DLGAP3: variants seen among roughly 807,000 people sequenced by gnomAD.
DLGAP3 encodes the protein disks large-associated protein 3.
A neutral mutation model predicts 81.2 loss-of-function variants in DLGAP3; 17 were observed. The ratio of observed to expected loss-of-function variants is 0.21; its 90% CI spans 0.14 to 0.31. The LOEUF is 0.31. Among genes scored for constraint, DLGAP3 ranks in the 10% least tolerant of loss-of-function variants. DLGAP3 has a pLI of 1.00. For synonymous variants in DLGAP3, 577 were observed against 587.4 expected (o/e 0.98, Z 0.26); for missense variants, 1,124 against 1,388.0 (o/e 0.81, Z 3.02).
At position 34,873,360 on chromosome 1, in the gene DLGAP3, G is replaced by A. The variant is rs537780575; in HGVS notation, c.2001-4271C>T. 2.0e-5 allele frequency among the ~76,000 whole-genome samples: 3 copies of A among 152,232 alleles called. No homozygotes were observed. The highest frequency in any genetic ancestry group is 4.4e-5 in the Non-Finnish European group (3 of 68,046). On this transcript the variant is annotated intron_variant, in intron 8 of 11. Transcript: ENST00000373347. This position sits in a 1 kb window ranked among gnomAD's most constrained non-coding sequence, Gnocchi z 4.2. The stretch of plus-strand genomic sequence containing the variant: ...GTAGGGGAAGGAATGAAAATGAGCA[G>A]CTTTGGGTGGGGGCAGCGGAACAGA...
chr1:34,899,725 G>C lies in DLGAP3; in HGVS notation c.1330C>G (p.Arg444Gly), dbSNP rs751303010. The C allele has an allele frequency of 5.6e-6, 9 of 1,613,888 alleles. No individual in the cohort carries two copies. The highest frequency in any genetic ancestry group is 1.3e-5 in the African/African-American group (1 of 74,912). The change falls in exon 5 of 12, where the codon CGG becomes GGG. Residue 444 changes from arginine to glycine, a missense_variant. Around this residue, in one of 9 missense-constraint regions of DLGAP3, gnomAD observed 357 missense variants for 408.8 expected, o/e 0.87. Transcript: ENST00000373347. Reference sequence around the variant, plus strand: ...GGGATGGAGCTCCGGGGGTGGATCCGGGGTGGGACACAGCAGCTGGAAAAG... The same window carrying C: ...GGGATGGAGCTCCGGGGGTGGATCCCGGGTGGGACACAGCAGCTGGAAAAG... ...QARINCCVPP[R>G]IHPRSSIPGY...
rs1639505127 is a variant in DLGAP3, at chr1:34,904,225, C to T, written c.1107+52G>A. On this transcript the variant is annotated intron_variant, in intron 3 of 11. Coordinates refer to ENST00000373347, the MANE Select transcript of DLGAP3 (RefSeq NM_001080418.3). This position sits in a 1 kb window ranked among gnomAD's most constrained non-coding sequence, Gnocchi z 8.1. Reference sequence around the variant, plus strand: ...ACCCTTTCCACTGCTCCCTAGTTGACAAGACTGGTGAAGGCTAAGGACTCT... The same window carrying T: ...ACCCTTTCCACTGCTCCCTAGTTGATAAGACTGGTGAAGGCTAAGGACTCT... The T allele has an allele frequency of 1.3e-6, 2 of 1,596,498 alleles. No homozygotes were observed. Among genetic ancestry groups the T allele is most frequent in the Non-Finnish European group, 1.7e-6 (2 of 1,177,668 alleles).
At chr1:34,872,025 C>T (rs1371407827) in intron 8 of DLGAP3, among the ~76,000 whole-genome samples, 1 of 152,174 alleles carries the variant, frequency 6.6e-6, no homozygotes, top group Non-Finnish European at 1.5e-5. Context: ...GCATTTAAAA[C>T]CAGCAGTGTG....
At chr1:34,927,311 G>A (rs375650947) in intron 1 of DLGAP3, among the ~76,000 whole-genome samples, 61 of 152,296 alleles carry the variant, frequency 4.0e-4, no homozygotes, top group African/African-American at 1.1e-3. Context: ...AAAGTTCCTC[G>A]TCTAAGATTA....
chr1:34,923,082 C>A (rs374853464), intron 1 of DLGAP3, among the ~76,000 whole-genome samples: 1 of 151,984 alleles, frequency 6.6e-6, no homozygotes, highest in Admixed American at 6.6e-5. Context: ...AGGAGACAAT[C>A]CCCCCGTATA....
In DLGAP3 at chr1:34,911,127, T is replaced by A. The variant is rs1466916894; in HGVS notation, c.-134-3690A>T. On this transcript the variant is annotated intron_variant, in intron 1 of 11. Transcript: ENST00000373347. ...CGAGAGCTGTTGTCAAAGCCAGAAG[T>A]CAAATCCAGTGTTGGCCGATTCCAA... Among the ~76,000 whole-genome samples, 3 of 147,240 alleles carry A rather than the reference T, an allele frequency of 2.0e-5. No individual in the cohort carries two copies. In the East Asian group the frequency reaches 6.2e-4, roughly 30 times the overall value.
chr1:34,905,529 C>T, intron 2 of DLGAP3, 95 bp from the exon 3 acceptor site: 1 of 839,430 alleles, frequency 1.2e-6, no homozygotes, highest in South Asian at 1.9e-5. Context: ...TTAGGTAATA[C>T]ATATCAATTT....
intron 1 of DLGAP3, among the ~76,000 whole-genome samples, chr1:34,911,547 G>A (rs1639641139): frequency 6.6e-6 from 1 of 152,172 alleles, no homozygotes; most frequent in East Asian, 1.9e-4. Context: ...GTAGCCTATG[G>A]CTGGCTGGAA....
Position 34,894,367 on chromosome 1 carries a change from C to A in DLGAP3, c.1386+5302G>T, listed in dbSNP as rs556374316. On this transcript the variant is annotated intron_variant, in intron 5 of 11. Coordinates refer to ENST00000373347, the MANE Select transcript of DLGAP3 (RefSeq NM_001080418.3). ...AAGAATGGGGAAAAGATATACTATG[C>A]AAACTATACCATGAGAGAATTTTCC... Among the ~76,000 whole-genome samples, 31 of 151,060 alleles carry A rather than the reference C, an allele frequency of 2.1e-4. 1 individual carries two copies. The South Asian group carries it at 6.3e-3, about 30-fold the overall frequency.
chr1:34,881,585 C>G (rs928103508), intron 8 of DLGAP3, among the ~76,000 whole-genome samples: 12 of 151,744 alleles, frequency 7.9e-5, no homozygotes, highest in African/African-American at 2.4e-4. Context: ...ACTGCACTCC[C>G]TACATCTAAG....
chr1:34,894,281 C>T (rs941009944), intron 5 of DLGAP3, among the ~76,000 whole-genome samples: 1 of 104,160 alleles, frequency 9.6e-6, no homozygotes, highest in African/African-American at 3.3e-5. Context: ...AAAAAAAAAA[C>T]CATTAGATGC....
intron 5 of DLGAP3, among the ~76,000 whole-genome samples, chr1:34,891,949 C>A (rs1312194719): frequency 6.6e-6 from 1 of 152,142 alleles, no homozygotes; most frequent in East Asian, 1.9e-4. Context: ...AGAATTACTA[C>A]AATATATTAT....
chr1:34,885,671 C>A lies in DLGAP3; in HGVS notation c.1721G>T (p.Gly574Val). The A allele has an allele frequency of 1.4e-6, 2 of 1,408,338 alleles. No individual in the cohort carries two copies. Among genetic ancestry groups the A allele is most frequent in the Non-Finnish European group, 1.8e-6 (2 of 1,090,220 alleles). 87.2% of individuals were successfully genotyped at this position (1,408,338 alleles called of 1,614,324 possible). A position where few individuals can be genotyped will look rare whatever the true frequency, so the allele number is the denominator to read the frequency against. ...SAHESFTAAE[G>V]PARRCSSADG... ...GGCGGAGCTGCAGCGCCGGGCGGGGCCCTCGGCCGCCGTGAAGCTCTCGTG... is the reference window on the plus strand; with the variant it reads ...GGCGGAGCTGCAGCGCCGGGCGGGGACCTCGGCCGCCGTGAAGCTCTCGTG... The change falls in exon 7 of 12, where the codon GGC becomes GTC. Residue 574 changes from glycine to valine, a missense_variant. By Grantham distance (109) the Gly-to-Val change is moderately radical. Coordinates refer to ENST00000373347, the MANE Select transcript of DLGAP3 (RefSeq NM_001080418.3).
In DLGAP3 at chr1:34,920,710, G is replaced by A. The variant is rs533113100; in HGVS notation, c.-135+8741C>T. On this transcript the variant is annotated intron_variant, in intron 1 of 11. Transcript: ENST00000373347. ...TGATCCTTTCTCCTCACTGGCTGCC[G>A]GCTAGCTAAAATTTCTTTATTCAAC... Among the ~76,000 whole-genome samples, 19 of 152,114 alleles carry A rather than the reference G, an allele frequency of 1.2e-4. No individual in the cohort carries two copies. The South Asian group carries it at 2.7e-3, about 22-fold the overall frequency.
In DLGAP3 at chr1:34,867,963, G is replaced by A. The variant is rs536854106; in HGVS notation, c.2486-336C>T. ...GCCTTGGCCAGGGCATTAGCTCAAT[G>A]ACCACCCACTGGCTAAGCTTTGTTC... is the stretch of plus-strand genomic sequence containing the variant. On this transcript the variant is annotated intron_variant, in intron 9 of 11. Transcript: ENST00000373347. This position sits in a 1 kb window ranked among gnomAD's most constrained non-coding sequence, Gnocchi z 4.3. Among the ~76,000 whole-genome samples, 22 of 152,234 alleles carry A rather than the reference G, an allele frequency of 1.4e-4. No homozygotes were observed. Among genetic ancestry groups the A allele is most frequent in the African/African-American group, 4.8e-4 (20 of 41,528 alleles).
intron 3 of DLGAP3, among the ~76,000 whole-genome samples, chr1:34,901,316 A>G (rs1639457156): frequency 6.6e-6 from 1 of 152,184 alleles, no homozygotes; most frequent in South Asian, 2.1e-4. Context: ...TCACCTGAGA[A>G]GGAGTGGGCA....
chr1:34,885,198 G>T, intron 7 of DLGAP3, 135 bp from the exon 8 acceptor site: 2 of 919,228 alleles, frequency 2.2e-6, no homozygotes, highest in East Asian at 5.2e-5. Flanking sequence ...AACAAGATGA[G>T]AGACCCAGGC....
At chr1:34,885,231 G>A (rs988397497) in intron 7 of DLGAP3, among the ~76,000 whole-genome samples, 168 bp from the exon 8 acceptor site, 1 of 152,224 alleles carries the variant, frequency 6.6e-6, no homozygotes, top group African/African-American at 2.4e-5. Flanking sequence ...GCCTCAAAGT[G>A]GCAACCACTG....
In DLGAP3 at chr1:34,865,832, A is replaced by T. The variant is rs370443185; in HGVS notation, c.*251T>A. 94 of 602,490 alleles carry T rather than the reference A, an allele frequency of 1.6e-4. No individual in the cohort carries two copies. The highest frequency in any genetic ancestry group is 1.5e-3 in the East Asian group (49 of 31,728). 37.3% of individuals were successfully genotyped at this position (602,490 alleles called of 1,614,324 possible). Reference sequence around the variant, plus strand: ...GGAGGAGGTGGGGACAAAGCGTCGGACCAGGTGGGCAGGGGATCCAGGTGA... The same window carrying T: ...GGAGGAGGTGGGGACAAAGCGTCGGTCCAGGTGGGCAGGGGATCCAGGTGA... On this transcript the variant is annotated 3_prime_UTR_variant, in exon 12 of 12. Transcript: ENST00000373347.
Sources: gnomAD v4.1 joint callset for allele counts (sites outside exome capture counted in the v4.1 genomes callset) on GRCh38, gnomAD v4.1.1 for gene constraint, gnomAD v4.1.1 regional missense constraint, Gnocchi (gnomAD v3.1) non-coding constraint, MANE v1.5 for transcripts, NCBI Gene and HGNC (gene_info 2026-07-23, HGNC 2026-07-21) for gene names.